The following MORC1 variants were observed in gnomAD, a reference collection of about 807,000 sequenced individuals.
MORC1 encodes MORC family CW-type zinc finger 1.
A neutral mutation model predicts 134.9 loss-of-function variants in MORC1; 59 were observed. The ratio of observed to expected loss-of-function variants is 0.44; its 90% CI spans 0.35 to 0.54. The LOEUF is 0.54. MORC1 is among the 20% of genes least tolerant of loss of function. The probability of loss-of-function intolerance (pLI) is 0.00; values close to 1 mark genes in which losing one functional copy is unlikely to be tolerated. For missense variants in MORC1, 947 were observed against 1,134.5 expected, an observed-to-expected ratio of 0.83 and a Z score of 2.37; for synonymous variants, 395 against 391.7, an observed-to-expected ratio of 1.01 and a Z score of -0.10.
chr3:109,070,145 T>G (rs964470996), intron 8 of MORC1, among the ~76,000 whole-genome samples: 12 of 152,188 alleles, frequency 7.9e-5, no homozygotes, highest in African/African-American at 2.9e-4. Flanking sequence ...TAGGCTCACA[T>G]GAATAAAAAG....
At chr3:108,969,745 A>G (rs1576578046) in intron 25 of MORC1, 23 bp from the exon 26 acceptor site, 1 of 1,607,636 alleles carries the variant, frequency 6.2e-7, no homozygotes. Context: ...ATGATAATAG[A>G]ACAGGATATT....
intron 24 of MORC1, among the ~76,000 whole-genome samples, chr3:108,975,193 G>A (rs2922138): frequency 0.4 from 60,889 of 151,976 alleles, 12,701 homozygotes; most frequent in Middle Eastern, 0.55. Flanking sequence ...AGTCCTAGCT[G>A]AGGAGAAGAG....
intron 12 of MORC1, among the ~76,000 whole-genome samples, chr3:109,058,036 C>CA (rs1204149531): frequency 8.0e-4 from 121 of 152,122 alleles, no homozygotes; most frequent in African/African-American, 2.9e-3. Flanking sequence ...GACTGACCTT[C>CA]TATATTATGT....
chr3:109,050,107 T>TCCTC (rs1949786728), intron 14 of MORC1, among the ~76,000 whole-genome samples: 1 of 152,140 alleles, frequency 6.6e-6, no homozygotes, highest in East Asian at 1.9e-4. Flanking sequence ...CCCCAACCTT[T>TCCTC]AGGAATATCA....
chr3:109,096,956 G>A (rs892517729), intron 6 of MORC1, among the ~76,000 whole-genome samples: 5 of 151,636 alleles, frequency 3.3e-5, no homozygotes, highest in African/African-American at 1.2e-4. Flanking sequence ...GAATACAATA[G>A]CTAAAAAACA....
intron 2 of MORC1, 64 bp from the exon 3 acceptor site, chr3:109,110,847 C>G: frequency 8.0e-7 from 1 of 1,246,022 alleles, no homozygotes; most frequent in Non-Finnish European, 1.1e-6. Context: ...AAGGTATAAC[C>G]TATTGTCAGA....
intron 22 of MORC1, among the ~76,000 whole-genome samples, chr3:108,985,832 G>C (rs1298619931): frequency 6.6e-6 from 1 of 152,086 alleles, no homozygotes; most frequent in East Asian, 1.9e-4. Flanking sequence ...GTAGTAGTTT[G>C]AACTGTCTAT....
chr3:108,975,910 T>C (rs1947538349), intron 24 of MORC1, among the ~76,000 whole-genome samples: 1 of 152,140 alleles, frequency 6.6e-6, no homozygotes, highest in Non-Finnish European at 1.5e-5. Context: ...TGCACTCCAA[T>C]ATTTAAAAGT....
intron 7 of MORC1, 105 bp downstream of exon 7, chr3:109,094,804 A>G (rs1484652988): frequency 1.1e-5 from 12 of 1,096,056 alleles, no homozygotes; most frequent in Non-Finnish European, 1.5e-5. Flanking sequence ...GTGAATCCAC[A>G]TGAGATTATA....
At chr3:109,066,835 G>C (rs1057156114) in intron 9 of MORC1, among the ~76,000 whole-genome samples, 2 of 152,172 alleles carry the variant, frequency 1.3e-5, no homozygotes, top group African/African-American at 4.8e-5. Context: ...TCAAGTAATT[G>C]CCAAAGGTCC....
At chr3:109,111,629 G>GA (rs1372473583) in intron 2 of MORC1, among the ~76,000 whole-genome samples, 1 of 152,196 alleles carries the variant, frequency 6.6e-6, no homozygotes, top group Admixed American at 6.5e-5. Context: ...GGGTGTGAGA[G>GA]AAAGGAGGAA....
chr3:109,046,703 G>A (rs1042833593), intron 14 of MORC1, among the ~76,000 whole-genome samples: 3 of 152,072 alleles, frequency 2.0e-5, no homozygotes, highest in Non-Finnish European at 4.4e-5. Context: ...ATGGATTAGA[G>A]GAATATTTTA....
At chr3:109,070,811 T>C (rs1489214540) in intron 8 of MORC1, among the ~76,000 whole-genome samples, 2 of 152,184 alleles carry the variant, frequency 1.3e-5, no homozygotes, top group Non-Finnish European at 2.9e-5. Context: ...ATTCAAGAAT[T>C]GCCTGGTTGG....
intron 17 of MORC1, among the ~76,000 whole-genome samples, chr3:109,008,606 T>G (rs1337521514): frequency 1.3e-5 from 2 of 152,054 alleles, no homozygotes; most frequent in Admixed American, 6.5e-5. Context: ...CATATACATG[T>G]TTGACATTAG....
In MORC1 at chr3:108,970,464, G is replaced by C. The variant is rs182219990; in HGVS notation, c.2551-742C>G. ...TGACAAGAACAGTCATAGTTCAGCTGTGGAATCAGAAGCCCCACGGGAGAG... is the reference window on the plus strand; with the variant it reads ...TGACAAGAACAGTCATAGTTCAGCTCTGGAATCAGAAGCCCCACGGGAGAG... On this transcript the variant is annotated intron_variant, in intron 25 of 27. Transcript: ENST00000232603. Among the ~76,000 whole-genome samples, 11 of 152,230 alleles carry C rather than the reference G, an allele frequency of 7.2e-5. No individual in the cohort carries two copies. In the East Asian group the frequency reaches 2.1e-3, roughly 29 times the overall value.
At position 109,027,888 on chromosome 3, in the gene MORC1, A is replaced by C. The variant is rs756823354; in HGVS notation, c.1567T>G (p.Cys523Gly). The stretch of plus-strand genomic sequence containing the variant: ...GAAGGTAGACATTCTACCTGATGAC[A>C]ACTTCAGAATCAACAAGTACAAGAT... ...ANNPNRLENS[C>G]HQVECLPSIP... Residue 523 changes from cysteine to glycine, a missense_variant and splice_region_variant, in exon 17 of 28, where the codon TGT (cysteine) becomes GGT (glycine). By Grantham distance (159) the Cys-to-Gly change is radical. Transcript: ENST00000232603. 1.5e-5 allele frequency: 25 copies of C among 1,613,162 alleles called. No homozygotes were observed. Among genetic ancestry groups the C allele is most frequent in the Non-Finnish European group, 2.0e-5 (24 of 1,179,612 alleles).
chr3:109,019,430 A>G (rs1948902957), intron 17 of MORC1, among the ~76,000 whole-genome samples: 1 of 152,254 alleles, frequency 6.6e-6, no homozygotes. Context: ...TACACAGAAG[A>G]GCTACTGAGC....
intron 8 of MORC1, among the ~76,000 whole-genome samples, chr3:109,070,120 A>G (rs1311982070): frequency 1.3e-5 from 2 of 152,216 alleles, no homozygotes; most frequent in South Asian, 2.1e-4. Context: ...TCGTTCAAAC[A>G]TAACAAAAAG....
chr3:109,006,002 T>C (rs1576623728), intron 18 of MORC1, among the ~76,000 whole-genome samples: 1 of 152,186 alleles, frequency 6.6e-6, no homozygotes, highest in East Asian at 1.9e-4. Flanking sequence ...TACTAGTTTG[T>C]TCATGGCTAA....
Sources: allele counts gnomAD v4.1 joint callset (sites outside exome capture counted in the v4.1 genomes callset), GRCh38; gene constraint gnomAD v4.1.1; transcripts MANE v1.5; gene names NCBI Gene and HGNC (gene_info 2026-07-23, HGNC 2026-07-21).